LURAP1: variants seen among roughly 807,000 people sequenced by gnomAD.
The protein encoded by LURAP1 is leucine rich adaptor protein 1, also known as NF-kappa-B activator C1orf190.
A neutral mutation model predicts 19.0 loss-of-function variants in LURAP1; 14 were observed. That is an observed-to-expected ratio of 0.74 (90% CI 0.49 to 1.15). The LOEUF is 1.15. LURAP1 is among the 50% of genes most tolerant of loss of function. LURAP1 has a pLI of 0.00. For missense variants in LURAP1, 273 were observed against 309.1 expected, an observed-to-expected ratio of 0.88 and a Z score of 0.87; for synonymous variants, 129 against 131.8, an observed-to-expected ratio of 0.98 and a Z score of 0.14.
In LURAP1 at chr1:46,203,397, T is replaced by C; in HGVS notation, c.-30T>C. On this transcript the variant is annotated 5_prime_UTR_variant, in exon 1 of 2. Transcript: ENST00000371980. ...CCGGGAGCCGGTCCCCGGCGTCCGG[T>C]CGCCCAGCCCTTTTCAGGCTTGGGC... is the stretch of plus-strand genomic sequence containing the variant. The C allele has an allele frequency of 7.0e-7, 1 of 1,429,508 alleles. No homozygotes were observed. The highest frequency in any genetic ancestry group is 2.7e-5 in the East Asian group (1 of 36,572). 88.6% of individuals were successfully genotyped at this position (1,429,508 alleles called of 1,614,324 possible). A position where few individuals can be genotyped will look rare whatever the true frequency, so the allele number is the denominator to read the frequency against.
At chr1:46,209,008 G>A (rs1289933182) in intron 1 of LURAP1, among the ~76,000 whole-genome samples, 1 of 152,192 alleles carries the variant, frequency 6.6e-6, no homozygotes, top group Non-Finnish European at 1.5e-5. Flanking sequence ...CAGCAGTGGG[G>A]AAAGCTGAAA....
intron 1 of LURAP1, among the ~76,000 whole-genome samples, chr1:46,215,143 G>A (rs754106728): frequency 2.0e-5 from 3 of 149,904 alleles, no homozygotes; most frequent in South Asian, 2.1e-4. Context: ...GGAGAATGGC[G>A]TGAACCCGGG....
chr1:46,219,920 C>G lies in LURAP1; in HGVS notation c.420C>G (p.Asp140Glu). The G allele has an allele frequency of 6.2e-7, 1 of 1,614,200 alleles. No homozygotes were observed. The highest frequency in any genetic ancestry group is 8.5e-7 in the Non-Finnish European group (1 of 1,179,994). Residue 140 changes from aspartate to glutamate, a missense_variant, in exon 2 of 2, where the codon GAC (aspartate) becomes GAG (glutamate). By Grantham distance (45) the Asp-to-Glu change is conservative. Transcript: ENST00000371980. The stretch of plus-strand genomic sequence containing the variant: ...ACACCAGCACCACCGACCGGCTGGA[C>G]AGTGTCTCTATTGGCAGCTTCCTGG... Reference protein sequence around the residue: ...LPDTSTTDRLDSVSIGSFLDT... With the variant: ...LPDTSTTDRLESVSIGSFLDT...
At chr1:46,207,149 C>T (rs530979959) in intron 1 of LURAP1, among the ~76,000 whole-genome samples, 35 of 151,888 alleles carry the variant, frequency 2.3e-4, no homozygotes, top group African/African-American at 5.3e-4. Flanking sequence ...GGTACAATGT[C>T]GGTTCACTGC....
At chr1:46,208,484 C>T (rs996278909) in intron 1 of LURAP1, among the ~76,000 whole-genome samples, 11 of 152,076 alleles carry the variant, frequency 7.2e-5, no homozygotes, top group African/African-American at 9.7e-5. Flanking sequence ...AAGACTTCCT[C>T]GAGGAGGTGA....
At chr1:46,211,724 G>A (rs1422766844) in intron 1 of LURAP1, among the ~76,000 whole-genome samples, 1 of 151,924 alleles carries the variant, frequency 6.6e-6, no homozygotes, top group Non-Finnish European at 1.5e-5. Context: ...TCAAATCTAG[G>A]TCCATTTAAT....
chr1:46,211,452 C>CAA (rs1658894018), intron 1 of LURAP1, among the ~76,000 whole-genome samples: 1 of 151,412 alleles, frequency 6.6e-6, no homozygotes, highest in Admixed American at 6.6e-5. Context: ...CACACACACA[C>CAA]ACACACACAC....
At position 46,219,790 on chromosome 1, in the gene LURAP1, G is replaced by A. The variant is rs745486834; in HGVS notation, c.290G>A (p.Arg97Gln). The change falls in exon 2 of 2, where the codon CGG becomes CAG. Residue 97 changes from arginine to glutamine, a missense_variant. Physicochemically the swap from Arg to Gln is conservative, Grantham distance 43. Coordinates refer to ENST00000371980, the MANE Select transcript of LURAP1 (RefSeq NM_001013615.3). ...GCAGTGCGCTGGCTGTTGGAGGAGCGGGGGACGTTGACCAGTCATTGCAGC... is the reference window on the plus strand; with the variant it reads ...GCAGTGCGCTGGCTGTTGGAGGAGCAGGGGACGTTGACCAGTCATTGCAGC... ...IEAVRWLLEERGTLTSHCSSL... is the reference protein window; with the variant it reads ...IEAVRWLLEEQGTLTSHCSSL... 1.1e-5 allele frequency: 17 copies of A among 1,614,140 alleles called. No individual in the cohort carries two copies. Among genetic ancestry groups the A allele is most frequent in the South Asian group, 6.6e-5 (6 of 91,070 alleles).
chr1:46,208,618 G>T (rs1197778615), intron 1 of LURAP1, among the ~76,000 whole-genome samples: 1 of 152,024 alleles, frequency 6.6e-6, no homozygotes, highest in Non-Finnish European at 1.5e-5. Flanking sequence ...CGAGGCGGGC[G>T]GATCACCTGA....
chr1:46,213,461 C>G (rs1185484338), intron 1 of LURAP1, among the ~76,000 whole-genome samples: 1 of 151,684 alleles, frequency 6.6e-6, no homozygotes, highest in Non-Finnish European at 1.5e-5. Flanking sequence ...AAGCATATCC[C>G]CATTGTTACG....
chr1:46,217,285 A>T (rs1006162846), intron 1 of LURAP1, among the ~76,000 whole-genome samples: 10 of 152,206 alleles, frequency 6.6e-5, no homozygotes, highest in Non-Finnish European at 1.3e-4. Context: ...CGTGTCATGC[A>T]TTCAAAAGCC....
At chr1:46,209,945 A>G (rs1322940521) in intron 1 of LURAP1, among the ~76,000 whole-genome samples, 1 of 152,206 alleles carries the variant, frequency 6.6e-6, no homozygotes, top group Non-Finnish European at 1.5e-5. Context: ...TAGTTTGGTC[A>G]TGGACTAGGA....
intron 1 of LURAP1, among the ~76,000 whole-genome samples, chr1:46,208,454 C>T (rs1658788730): frequency 6.6e-6 from 1 of 152,154 alleles, no homozygotes; most frequent in African/African-American, 2.4e-5. Flanking sequence ...GGATTAATTC[C>T]ATCTCGAGGA....
chr1:46,219,516 GT>G (rs1410560541), intron 1 of LURAP1, among the ~76,000 whole-genome samples, 182 bp from the exon 2 acceptor site: 1 of 152,170 alleles, frequency 6.6e-6, no homozygotes, highest in African/African-American at 2.4e-5. Context: ...TGTCTAATCA[GT>G]GGTAGAGCTG....
At chr1:46,209,244 G>A (rs1396821633) in intron 1 of LURAP1, among the ~76,000 whole-genome samples, 2 of 152,198 alleles carry the variant, frequency 1.3e-5, no homozygotes, top group African/African-American at 2.4e-5. Flanking sequence ...GGCTGGTCTC[G>A]AACTCCCGAA....
intron 1 of LURAP1, among the ~76,000 whole-genome samples, chr1:46,217,647 AG>A (rs777987498): frequency 1.3e-5 from 2 of 152,132 alleles, no homozygotes; most frequent in Non-Finnish European, 2.9e-5. Flanking sequence ...ATTTGAGGTC[AG>A]GAGTTTGAGA....
Position 46,219,771 on chromosome 1 carries a change from C to T in LURAP1, c.271C>T (p.Arg91Cys), listed in dbSNP as rs146884073. 6.3e-5 allele frequency: 101 copies of T among 1,613,924 alleles called. No homozygotes were observed. Among genetic ancestry groups the T allele is most frequent in the South Asian group, 7.7e-5 (7 of 91,008 alleles). Residue 91 changes from arginine to cysteine, a missense_variant, in exon 2 of 2, where the codon CGC becomes TGC. Arg to Cys is a radical substitution (Grantham distance 180, BLOSUM62 -3). Coordinates refer to ENST00000371980, the MANE Select transcript of LURAP1 (RefSeq NM_001013615.3). ...VTLNEGIEAVRWLLEERGTLT... is the reference protein window; with the variant it reads ...VTLNEGIEAVCWLLEERGTLT... ...CTTGAATGAGGGCATCGAGGCAGTGCGCTGGCTGTTGGAGGAGCGGGGGAC... is the reference window on the plus strand; with the variant it reads ...CTTGAATGAGGGCATCGAGGCAGTGTGCTGGCTGTTGGAGGAGCGGGGGAC...
chr1:46,215,116 C>T (rs953969009), intron 1 of LURAP1, among the ~76,000 whole-genome samples: 3 of 150,694 alleles, frequency 2.0e-5, no homozygotes, highest in African/African-American at 7.3e-5. Context: ...GTCCCAGCTG[C>T]TTGGGAGGCT....
intron 1 of LURAP1, among the ~76,000 whole-genome samples, chr1:46,217,646 C>T (rs1659107307): frequency 1.3e-5 from 2 of 152,036 alleles, no homozygotes; most frequent in African/African-American, 4.8e-5. Flanking sequence ...TATTTGAGGT[C>T]AGGAGTTTGA....
Sources: allele counts gnomAD v4.1 joint callset (sites outside exome capture counted in the v4.1 genomes callset), GRCh38; gene constraint gnomAD v4.1.1; transcripts MANE v1.5; gene names NCBI Gene and HGNC (gene_info 2026-07-23, HGNC 2026-07-21).